The following GFOD2 variants were observed in gnomAD, a reference collection of about 807,000 sequenced individuals.
GFOD2 encodes glucose-fructose oxidoreductase domain-containing protein 2.
A neutral mutation model predicts 24.6 loss-of-function variants in GFOD2; 9 were observed. That is an observed-to-expected ratio of 0.37 (90% CI 0.22 to 0.64). GFOD2 has a LOEUF of 0.64. Among genes scored for constraint, GFOD2 ranks in the 30% least tolerant of loss-of-function variants. The probability of loss-of-function intolerance (pLI) is 0.65; values close to 1 mark genes in which losing one functional copy is unlikely to be tolerated. For synonymous variants in GFOD2, 211 were observed against 224.8 expected (o/e 0.94, Z 0.55); for missense variants, 476 against 532.5 (o/e 0.89, Z 1.04).
intron 2 of GFOD2, chr16:67,682,622 A>C: frequency 1.0e-6 from 1 of 985,444 alleles, no homozygotes; most frequent in Non-Finnish European, 1.2e-6. Context: ...AGATGCCATA[A>C]AAAGAGCTGT....
intron 1 of GFOD2, among the ~76,000 whole-genome samples, chr16:67,686,661 C>A (rs2053269184): frequency 6.7e-6 from 1 of 148,576 alleles, no homozygotes; most frequent in Non-Finnish European, 1.5e-5. Flanking sequence ...CAAACCCCAT[C>A]TCTGCTAAAA....
intron 2 of GFOD2, chr16:67,683,690 C>T: frequency 8.1e-7 from 1 of 1,231,058 alleles, no homozygotes; most frequent in South Asian, 4.1e-5. Flanking sequence ...TCCCTACCCA[C>T]TGAGCCAGAG....
chr16:67,704,108 G>C (rs935597924), intron 1 of GFOD2, among the ~76,000 whole-genome samples: 1 of 152,134 alleles, frequency 6.6e-6, no homozygotes, highest in African/African-American at 2.4e-5. Context: ...GAATGCTCGG[G>C]TTGCTTCTAC....
chr16:67,691,191 C>A (rs992485829), intron 1 of GFOD2, among the ~76,000 whole-genome samples: 2 of 151,766 alleles, frequency 1.3e-5, no homozygotes, highest in Admixed American at 6.6e-5. Flanking sequence ...AAGCTAACTA[C>A]TCCTGATCTT....
rs371301251 is a variant in GFOD2 at position 67,695,399 on chromosome 16, T to C, written c.-87-9597A>G. Among the ~76,000 whole-genome samples, 7 of 151,984 alleles carry C rather than the reference T, an allele frequency of 4.6e-5. No individual in the cohort carries two copies. In the East Asian group the frequency reaches 1.3e-3, roughly 29 times the overall value. On this transcript the variant is annotated intron_variant, in intron 1 of 2. Coordinates refer to ENST00000268797, the MANE Select transcript of GFOD2 (RefSeq NM_030819.4). ...ACACAGTTATCTTCTACAATTTTCATGTCCTGGACTCCCTTCGGCTATTTG... is the reference window on the plus strand; with the variant it reads ...ACACAGTTATCTTCTACAATTTTCACGTCCTGGACTCCCTTCGGCTATTTG...
rs776398926 is a variant in GFOD2, at chr16:67,675,274, C to T, written c.1039G>A (p.Val347Met). 8 of 1,612,852 alleles carry T rather than the reference C, an allele frequency of 5.0e-6. No homozygotes were observed. Among genetic ancestry groups the T allele is most frequent in the African/African-American group, 4.0e-5 (3 of 74,940 alleles). Reference protein sequence around the residue: ...SFEDGLYMQSVVDAIKRSSRS... With the variant: ...SFEDGLYMQSMVDAIKRSSRS... ...CTCGACCTCTTGATGGCATCCACCA[C>T]GCTCTGCATGTACAGCCCATCCTCG... The change falls in exon 3 of 3, where the codon GTG (valine) becomes ATG (methionine). Residue 347 changes from valine (V) to methionine (M), a missense_variant. Val to Met is a conservative substitution (Grantham distance 21). Coordinates refer to ENST00000268797, the MANE Select transcript of GFOD2 (RefSeq NM_030819.4).
chr16:67,678,489 A>AAAAAAG (rs1567653193), intron 2 of GFOD2, among the ~76,000 whole-genome samples: 3 of 151,854 alleles, frequency 2.0e-5, no homozygotes, highest in East Asian at 3.9e-4. Context: ...AAAAAAAAAA[A>AAAAAAG]AAAAAGAAAA....
In GFOD2 at chr16:67,711,466, A is replaced by G. The variant is rs151074244; in HGVS notation, c.-88+7697T>C. Among the ~76,000 whole-genome samples the G allele has an allele frequency of 2.6e-4, 39 of 151,918 alleles. No homozygotes were observed. In the East Asian group the frequency reaches 7.0e-3, roughly 27 times the overall value. On this transcript the variant is annotated intron_variant, in intron 1 of 2. Transcript: ENST00000268797. Reference sequence around the variant, plus strand: ...GTAACCATGGCTCAGTCCCCAGTCTATTTCTCTTTTCTATCTATACTCACT... The same window carrying G: ...GTAACCATGGCTCAGTCCCCAGTCTGTTTCTCTTTTCTATCTATACTCACT...
intron 2 of GFOD2, chr16:67,682,746 G>T: frequency 1.0e-6 from 1 of 985,328 alleles, no homozygotes; most frequent in Non-Finnish European, 1.2e-6. Context: ...AAAATATAAA[G>T]CTCTAGCAAG....
At chr16:67,677,908 G>T (rs781299185) in intron 2 of GFOD2, 1 of 152,186 alleles carries the variant, frequency 6.6e-6, no homozygotes, top group Non-Finnish European at 1.5e-5. Context: ...TGGGGCAACC[G>T]GTCACAAGAA....
At chr16:67,702,019 C>G (rs1177838755) in intron 1 of GFOD2, among the ~76,000 whole-genome samples, 4 of 152,136 alleles carry the variant, frequency 2.6e-5, no homozygotes, top group Non-Finnish European at 5.9e-5. Context: ...CTGCCTATCA[C>G]AGGGGTGGGA....
intron 2 of GFOD2, chr16:67,680,617 G>A: frequency 2.0e-6 from 1 of 492,046 alleles, no homozygotes; most frequent in Non-Finnish European, 2.6e-6. Context: ...ACCCCACAGA[G>A]CATCTGTCAT....
intron 1 of GFOD2, among the ~76,000 whole-genome samples, chr16:67,688,662 C>T (rs994611173): frequency 3.3e-5 from 5 of 151,694 alleles, no homozygotes; most frequent in African/African-American, 9.7e-5. Flanking sequence ...GCCACATCAC[C>T]GTCATTTTCT....
At chr16:67,677,760 G>C (rs924775847) in intron 2 of GFOD2, 5 of 152,266 alleles carry the variant, frequency 3.3e-5, no homozygotes. Context: ...TAATTCATGT[G>C]CTTACCCTTC....
chr16:67,675,418 C>T lies in GFOD2; in HGVS notation c.895G>A (p.Val299Ile). 6.2e-7 allele frequency: 1 copy of T among 1,613,040 alleles called. No individual in the cohort carries two copies. Among genetic ancestry groups the T allele is most frequent in the Non-Finnish European group, 8.5e-7 (1 of 1,180,010 alleles). ...AGLPEQGPQDVPLLYLKGMVY... is the reference protein window; with the variant it reads ...AGLPEQGPQDIPLLYLKGMVY... ...ATGCCCTTCAGGTACAGCAGCGGGA[C>T]ATCCTGGGGCCCCTGCTCAGGCAGT... Residue 299 changes from valine (V) to isoleucine (I), a missense_variant, in exon 3 of 3, where the codon GTC (valine) becomes ATC (isoleucine). Coordinates refer to ENST00000268797, the MANE Select transcript of GFOD2 (RefSeq NM_030819.4).
intron 2 of GFOD2, chr16:67,681,027 A>C (rs1260275374): frequency 2.1e-5 from 21 of 985,342 alleles, no homozygotes; most frequent in Non-Finnish European, 2.3e-5. Flanking sequence ...GACTGCTAGC[A>C]CTACTGCTTC....
At chr16:67,716,381 T>C (rs1409439285) in intron 1 of GFOD2, among the ~76,000 whole-genome samples, 1 of 152,318 alleles carries the variant, frequency 6.6e-6, no homozygotes, top group East Asian at 1.9e-4. Flanking sequence ...TTCACTGTCA[T>C]AGCAACCAGG....
intron 2 of GFOD2, chr16:67,684,229 T>C: frequency 6.6e-6 from 1 of 151,738 alleles, no homozygotes; most frequent in Non-Finnish European, 1.5e-5. Context: ...AAAAATTAGC[T>C]GGGCGTGGTG....
chr16:67,717,803 G>GATAGATAGATAGATAGATAGATAGATAA (rs1288254422), intron 1 of GFOD2, among the ~76,000 whole-genome samples: 3 of 152,214 alleles, frequency 2.0e-5, no homozygotes, highest in African/African-American at 7.2e-5. Context: ...TAGATAGATA[G>GATAGATAGATAGATAGATAGATAGATAA]ATAGATAGAT....
Sources: gnomAD v4.1 joint callset for allele counts (sites outside exome capture counted in the v4.1 genomes callset) on GRCh38, gnomAD v4.1.1 for gene constraint, MANE v1.5 for transcripts, NCBI Gene and HGNC (gene_info 2026-07-23, HGNC 2026-07-21) for gene names.